Variants in PCDHGA10 observed in about 807,000 individuals in gnomAD.
PCDHGA10 encodes protocadherin gamma subfamily A, 10.
In PCDHGA10, 42 loss-of-function variants were observed where a neutral mutation model predicts 59.5. That is an observed-to-expected ratio of 0.71 (90% CI 0.55 to 0.91). The LOEUF (loss-of-function observed/expected upper bound fraction) is 0.91, where lower values mean the gene tolerates loss of function less well. Among genes scored for constraint, PCDHGA10 ranks in the 40% least tolerant of loss-of-function variants. PCDHGA10 has a pLI of 0.00. For synonymous variants in PCDHGA10, 511 were observed against 517.2 expected (o/e 0.99, Z 0.16); for missense variants, 1,111 against 1,198.2 (o/e 0.93, Z 1.07).
At position 141,432,001 on chromosome 5, in the gene PCDHGA10, G is replaced by T. The variant is rs755338230; in HGVS notation, c.2436+16390G>T. On this transcript the variant is annotated intron_variant, in intron 1 of 3. Coordinates refer to ENST00000398610, the MANE Select transcript of PCDHGA10 (RefSeq NM_018913.3). This position sits in a 1 kb window ranked among gnomAD's most constrained non-coding sequence, Gnocchi z 6.0. Reference sequence around the variant, plus strand: ...CAGACATAGTCTTGGATAGGGAACAGGTTCCTAGCTACAACATCACAGTGA... The same window carrying T: ...CAGACATAGTCTTGGATAGGGAACATGTTCCTAGCTACAACATCACAGTGA... 4 of 1,614,220 alleles carry T rather than the reference G, an allele frequency of 2.5e-6. No homozygotes were observed. In the East Asian group the frequency reaches 8.9e-5, roughly 36 times the overall value.
rs1288831801 is a variant in PCDHGA10, at chr5:141,477,793, T to C, written c.2437-17014T>C. The C allele has an allele frequency of 6.2e-7, 1 of 1,614,050 alleles. No homozygotes were observed. The highest frequency in any genetic ancestry group is 2.2e-5 in the East Asian group (1 of 44,874). ...TCAGCGTGAACATATTTGTCACTGATCGCAATGACAATGCCCCCCAGGTCC... is the reference window on the plus strand; with the variant it reads ...TCAGCGTGAACATATTTGTCACTGACCGCAATGACAATGCCCCCCAGGTCC... On this transcript the variant is annotated intron_variant, in intron 1 of 3. Coordinates refer to ENST00000398610, the MANE Select transcript of PCDHGA10 (RefSeq NM_018913.3). This position sits in a 1 kb window ranked among gnomAD's most constrained non-coding sequence, Gnocchi z 4.9.
Position 141,414,748 on chromosome 5 carries a change from G to T in PCDHGA10, c.1573G>T (p.Asp525Tyr), listed in dbSNP as rs765780935. 1 of 1,614,182 alleles carries T rather than the reference G, an allele frequency of 6.2e-7. No homozygotes were observed. Among genetic ancestry groups the T allele is most frequent in the South Asian group, 1.1e-5 (1 of 91,082 alleles). The stretch of plus-strand genomic sequence containing the variant: ...CGTCCTGTATGCACTCAGATCCTTC[G>T]ACTATGAGCAGTTTCATGAGCTACA... ...TGVLYALRSF[D>Y]YEQFHELQMQ... Residue 525 changes from aspartate (D) to tyrosine (Y), a missense_variant, in exon 1 of 4, where the codon GAC becomes TAC. Transcript: ENST00000398610.
At chr5:141,499,186 T>A (rs1332703037) in intron 2 of PCDHGA10, among the ~76,000 whole-genome samples, 2 of 152,036 alleles carry the variant, frequency 1.3e-5, no homozygotes, top group Non-Finnish European at 2.9e-5. Context: ...AGCAAACCAT[T>A]TCCCCCTTCT....
intron 1 of PCDHGA10, chr5:141,418,106 G>T (rs2096223296): frequency 6.2e-7 from 1 of 1,613,954 alleles, no homozygotes. Flanking sequence ...GCAGAGCGGG[G>T]ACTTACTTGT....
intron 1 of PCDHGA10, among the ~76,000 whole-genome samples, chr5:141,481,065 A>AAAAG (rs1476331686): frequency 6.6e-6 from 1 of 152,164 alleles, no homozygotes; most frequent in African/African-American, 2.4e-5. Context: ...CTCAAAAACA[A>AAAAG]AAAGAAAGAA....
chr5:141,439,042 A>C (rs2098084096), intron 1 of PCDHGA10, among the ~76,000 whole-genome samples: 1 of 151,642 alleles, frequency 6.6e-6, no homozygotes, highest in Non-Finnish European at 1.5e-5. Context: ...TCAGTTCATA[A>C]GATTTCCATA....
Position 141,422,774 on chromosome 5 carries a change from A to G in PCDHGA10, c.2436+7163A>G, listed in dbSNP as rs372343628. On this transcript the variant is annotated intron_variant, in intron 1 of 3. Coordinates refer to ENST00000398610, the MANE Select transcript of PCDHGA10 (RefSeq NM_018913.3). ...ATTAACTCCAACACTGGTGTTCTCT[A>G]TGCCCTACAATCCTTCGACTATGAG... 100 of 1,613,880 alleles carry G rather than the reference A, an allele frequency of 6.2e-5. 1 individual carries two copies. In the Middle Eastern group the frequency reaches 1.3e-3, roughly 21 times the overall value.
chr5:141,456,098 C>A (rs1222639126), intron 1 of PCDHGA10, among the ~76,000 whole-genome samples: 1 of 151,980 alleles, frequency 6.6e-6, no homozygotes. Context: ...GGGATTTCAC[C>A]GTGTTAGCCA....
chr5:141,476,661 T>G lies in PCDHGA10; in HGVS notation c.2437-18146T>G. 1.2e-6 allele frequency: 2 copies of G among 1,614,076 alleles called. No individual in the cohort carries two copies. The highest frequency in any genetic ancestry group is 1.7e-6 in the Non-Finnish European group (2 of 1,179,938). On this transcript the variant is annotated intron_variant, in intron 1 of 3. Coordinates refer to ENST00000398610, the MANE Select transcript of PCDHGA10 (RefSeq NM_018913.3). The surrounding 1 kb of genome is among the most constrained non-coding windows in gnomAD (Gnocchi z 7.6). Reference sequence around the variant, plus strand: ...CTGAGCCGAAATGAATACTTTGCGCTTCGCGTGCAGACGCGGGAGGACAGC... The same window carrying G: ...CTGAGCCGAAATGAATACTTTGCGCGTCGCGTGCAGACGCGGGAGGACAGC...
Position 141,464,284 on chromosome 5 carries a change from A to C in PCDHGA10, c.2437-30523A>C, listed in dbSNP as rs1237360752. ...CGTCTAAAAAAAAAAAAAAGCAAAA[A>C]AAAAAACTCCATTGTATGTGCACAT... On this transcript the variant is annotated intron_variant, in intron 1 of 3. Coordinates refer to ENST00000398610, the MANE Select transcript of PCDHGA10 (RefSeq NM_018913.3). 4.0e-5 allele frequency among the ~76,000 whole-genome samples: 6 copies of C among 151,546 alleles called. No individual in the cohort carries two copies. The South Asian group carries it at 1.0e-3, about 26-fold the overall frequency.
intron 1 of PCDHGA10, chr5:141,419,989 T>C (rs778087109): frequency 4.1e-5 from 66 of 1,613,962 alleles, no homozygotes; most frequent in Non-Finnish European, 5.2e-5. Context: ...TGATTCTAGC[T>C]ATTGCTCTAC....
chr5:141,431,146 T>G lies in PCDHGA10; in HGVS notation c.2436+15535T>G. On this transcript the variant is annotated intron_variant, in intron 1 of 3. Coordinates refer to ENST00000398610, the MANE Select transcript of PCDHGA10 (RefSeq NM_018913.3). The surrounding 1 kb of genome is among the most constrained non-coding windows in gnomAD (Gnocchi z 4.8). The stretch of plus-strand genomic sequence containing the variant: ...TAGAAGTAAGGGACATTAACGACAA[T>G]GCGCCTTACTTTCGTGAAAGTGAAT... 6.2e-7 allele frequency: 1 copy of G among 1,614,124 alleles called. No individual in the cohort carries two copies. Among genetic ancestry groups the G allele is most frequent in the African/African-American group, 1.3e-5 (1 of 75,022 alleles).
intron 2 of PCDHGA10, among the ~76,000 whole-genome samples, chr5:141,496,335 C>G (rs2099768099): frequency 1.3e-5 from 2 of 152,204 alleles, no homozygotes; most frequent in Admixed American, 6.5e-5. Flanking sequence ...AAGTCAGGAG[C>G]CTGGAGGAGT....
rs192677983 is a variant in PCDHGA10 at position 141,457,339 on chromosome 5, A to G, written c.2437-37468A>G. On this transcript the variant is annotated intron_variant, in intron 1 of 3. Transcript: ENST00000398610. The stretch of plus-strand genomic sequence containing the variant: ...CCTCCGGGTTACAGGTACCTTACTT[A>G]CTTTCATTACCTGGCACAATTTGCA... Among the ~76,000 whole-genome samples the G allele has an allele frequency of 3.1e-4, 47 of 152,268 alleles. No individual in the cohort carries two copies. The South Asian group carries it at 3.3e-3, about 11-fold the overall frequency.
intron 2 of PCDHGA10, among the ~76,000 whole-genome samples, chr5:141,497,132 G>T (rs2099774325): frequency 6.6e-6 from 1 of 152,046 alleles, no homozygotes; most frequent in Non-Finnish European, 1.5e-5. Context: ...GTTGCAGTGA[G>T]CTGAGATCAC....
At chr5:141,466,898 A>G (rs1029507733) in intron 1 of PCDHGA10, among the ~76,000 whole-genome samples, 1 of 152,170 alleles carries the variant, frequency 6.6e-6, no homozygotes, top group African/African-American at 2.4e-5. Context: ...TTTTCCATGA[A>G]GTTTTTGAAA....
chr5:141,447,123 TTTTG>T (rs1327676720), intron 1 of PCDHGA10, among the ~76,000 whole-genome samples: 7 of 152,278 alleles, frequency 4.6e-5, no homozygotes, highest in African/African-American at 1.4e-4. Context: ...CCATGGATTT[TTTTG>T]TTTGTTTGTT....
chr5:141,421,904 C>T (rs1561797509), intron 1 of PCDHGA10: 1 of 1,613,734 alleles, frequency 6.2e-7, no homozygotes, highest in Admixed American at 1.7e-5. Flanking sequence ...CGAAAGGGCG[C>T]AGTTCCCATT....
At position 141,423,255 on chromosome 5, in the gene PCDHGA10, C is replaced by T. The variant is rs368969800; in HGVS notation, c.2436+7644C>T. ...GCATCCCCGAAGTCCTGGCGGACCT[C>T]GGCAGCCTCGAGTCTCTGGCTAACT... On this transcript the variant is annotated intron_variant, in intron 1 of 3. Transcript: ENST00000398610. 2.0e-5 allele frequency: 33 copies of T among 1,613,930 alleles called. No homozygotes were observed. In the East Asian group the frequency reaches 3.8e-4, roughly 19 times the overall value.
Sources: allele counts gnomAD v4.1 joint callset (sites outside exome capture counted in the v4.1 genomes callset), GRCh38; gene constraint gnomAD v4.1.1; non-coding constraint Gnocchi (gnomAD v3.1); transcripts MANE v1.5; gene names NCBI Gene and HGNC (gene_info 2026-07-23, HGNC 2026-07-21).